DNASE1: variants seen among roughly 807,000 people sequenced by gnomAD.
DNASE1 encodes the protein deoxyribonuclease 1.
DNASE1 carries 40 observed loss-of-function variants against 33.9 expected under a neutral mutation model. The observed-to-expected ratio is 1.18, with a 90% CI of 0.92 to 1.54. DNASE1 has a LOEUF of 1.54. Ranked by LOEUF, DNASE1 falls within the 40% of genes most tolerant of loss-of-function variation. DNASE1 has a pLI of 0.00. For missense variants in DNASE1, 518 were observed against 372.6 expected (o/e 1.39, Z -3.21); for synonymous variants, 216 against 160.0 (o/e 1.35, Z -2.64).
chr16:3,617,716 C>T lies in DNASE1; in HGVS notation c.-1359+5710C>T, dbSNP rs143035819. Among the ~76,000 whole-genome samples, 903 of 152,044 alleles carry T rather than the reference C, an allele frequency of 5.9e-3. 8 individuals carry two copies. Among genetic ancestry groups the T allele is most frequent in the African/African-American group, 0.021 (856 of 41,452 alleles). ...ATCCCAGCACTTTGGAAGGCGGAGG[C>T]GGGAGGATTGCTTGGGCCCAGGAGT... On this transcript the variant is annotated intron_variant and NMD_transcript_variant, in intron 1 of 11. Coordinates refer to the DNASE1 transcript ENST00000570769.
chr16:3,649,068 G>C (rs1378451153), intron 1 of DNASE1, among the ~76,000 whole-genome samples: 2 of 152,314 alleles, frequency 1.3e-5, no homozygotes, highest in Admixed American at 6.5e-5. Context: ...TTGTCATTTA[G>C]ATCTAGAGGT....
chr16:3,660,342 T>A (rs2043000417), downstream of DNASE1: 1 of 152,150 alleles, frequency 6.6e-6, no homozygotes, highest in Non-Finnish European at 1.5e-5. Context: ...TTAAAACAAA[T>A]GAAAGTGAAG....
chr16:3,630,311 A>G (rs957615971), intron 1 of DNASE1, among the ~76,000 whole-genome samples: 5 of 152,080 alleles, frequency 3.3e-5, no homozygotes, highest in African/African-American at 4.8e-5. Context: ...CGCCCCAAGT[A>G]GCTGGGACCA....
chr16:3,633,467 G>A (rs1320293072), intron 1 of DNASE1, among the ~76,000 whole-genome samples: 1 of 152,090 alleles, frequency 6.6e-6, no homozygotes, highest in Non-Finnish European at 1.5e-5. Context: ...AATTAGCCGG[G>A]CGTGGTGGTG....
chr16:3,645,003 G>A (rs1417128661), intron 1 of DNASE1, among the ~76,000 whole-genome samples: 1 of 152,026 alleles, frequency 6.6e-6, no homozygotes. Flanking sequence ...GGTGGCGCAT[G>A]CCTGTGGTCG....
At chr16:3,641,438 G>C (rs2042019555), upstream of DNASE1, among the ~76,000 whole-genome samples, 1 of 152,232 alleles carries the variant, frequency 6.6e-6, no homozygotes. Flanking sequence ...AGCACAGGCA[G>C]GCCCTCTGGG....
intron 1 of DNASE1, among the ~76,000 whole-genome samples, chr16:3,631,704 G>C (rs1320505649): frequency 1.3e-5 from 2 of 151,042 alleles, no homozygotes; most frequent in Non-Finnish European, 2.9e-5. Flanking sequence ...TGTGTTTTTA[G>C]TAGAGATGGG....
chr16:3,658,539 G>C, downstream of DNASE1: 3 of 573,092 alleles, frequency 5.2e-6, no homozygotes, highest in Admixed American at 3.1e-5. Flanking sequence ...AAATTAGCCA[G>C]GCGCATGCCT....
At chr16:3,661,956 C>G, downstream of DNASE1, 1 of 1,564,224 alleles carries the variant, frequency 6.4e-7, no homozygotes, top group African/African-American at 1.4e-5. Flanking sequence ...GGGAATCCCA[C>G]AGGCTGGAAG....
chr16:3,655,134 C>T (rs1276929771), intron 1 of DNASE1, 90 bp downstream of exon 1: 15 of 606,110 alleles, frequency 2.5e-5, no homozygotes, highest in Non-Finnish European at 4.1e-5. Context: ...GCGAGTGAGG[C>T]GGAGGCTCCA....
At chr16:3,646,244 C>T (rs190156946) in intron 1 of DNASE1, among the ~76,000 whole-genome samples, 1 of 152,164 alleles carries the variant, frequency 6.6e-6, no homozygotes, top group Non-Finnish European at 1.5e-5. Flanking sequence ...CCTGGAGCTG[C>T]TGGGTAGGAG....
At chr16:3,663,112 T>A in exon 10 of DNASE1, 1 of 714,256 alleles carries the variant, frequency 1.4e-6, no homozygotes, top group Non-Finnish European at 2.3e-6. Flanking sequence ...CATCTAAAAG[T>A]AAAACCTCAA....
At chr16:3,622,213 G>GAAAAAA (rs56171298) in intron 1 of DNASE1, among the ~76,000 whole-genome samples, 2 of 68,286 alleles carry the variant, frequency 2.9e-5, no homozygotes, top group African/African-American at 5.2e-5. Context: ...GAGCAAGACT[G>GAAAAAA]AAAAAAAAAA....
chr16:3,628,022 C>T (rs2041574431), intron 1 of DNASE1, among the ~76,000 whole-genome samples: 1 of 148,194 alleles, frequency 6.7e-6, no homozygotes, highest in Non-Finnish European at 1.5e-5. Flanking sequence ...GGAGTATTGA[C>T]ATCTTAACAA....
chr16:3,657,990 GAGGACCCATCCTGCCAC>G lies in DNASE1; in HGVS notation c.*46_*62del, dbSNP rs758194359. ...CCACACCAGTTGAACTGCAGGAAGA[GAGGACCCATCCTGCCAC>G]AGGACCCAGAAAAAAAGCCCAACAC... On this transcript the variant is annotated 3_prime_UTR_variant, in exon 9 of 9. Transcript: ENST00000246949. The G allele has an allele frequency of 5.6e-6, 9 of 1,612,700 alleles. No homozygotes were observed. The highest frequency in any genetic ancestry group is 7.6e-6 in the Non-Finnish European group (9 of 1,179,546).
downstream of DNASE1, chr16:3,662,996 A>G (rs1214632911): frequency 6.4e-7 from 1 of 1,554,748 alleles, no homozygotes; most frequent in Non-Finnish European, 8.7e-7. Flanking sequence ...CAGGGAGCTC[A>G]GGCCTGCATC....
chr16:3,617,500 G>C (rs1473377367), intron 1 of DNASE1, among the ~76,000 whole-genome samples: 1 of 152,106 alleles, frequency 6.6e-6, no homozygotes. Flanking sequence ...TCAAGAAAAT[G>C]AGAAGACAAC....
intron 1 of DNASE1, among the ~76,000 whole-genome samples, chr16:3,637,142 A>C (rs756033793): frequency 2.0e-4 from 31 of 152,044 alleles, no homozygotes; most frequent in Non-Finnish European, 1.9e-4. Flanking sequence ...AAGAAAAGAA[A>C]AGGAAGTAAC....
chr16:3,642,113 C>T (rs565875212), upstream of DNASE1, among the ~76,000 whole-genome samples: 14 of 152,270 alleles, frequency 9.2e-5, no homozygotes, highest in African/African-American at 3.1e-4. Context: ...GGGTGGGAGC[C>T]CCTCCTGGCC....
Sources: gnomAD v4.1 joint callset for allele counts (sites outside exome capture counted in the v4.1 genomes callset) on GRCh38, gnomAD v4.1.1 for gene constraint, MANE v1.5 for transcripts, NCBI Gene and HGNC (gene_info 2026-07-23, HGNC 2026-07-21) for gene names.